Variants in SPPL3 observed in about 807,000 individuals in gnomAD.
The protein encoded by SPPL3 is signal peptide peptidase like 3.
A neutral mutation model predicts 42.4 loss-of-function variants in SPPL3; 5 were observed. That is an observed-to-expected ratio of 0.12 (90% CI 0.06 to 0.25). The LOEUF is 0.25. SPPL3 is among the 10% of genes least tolerant of loss of function. The pLI is 1.00. For synonymous variants in SPPL3, 195 were observed against 181.8 expected (o/e 1.07, Z -0.58); for missense variants, 235 against 489.0 (o/e 0.48, Z 4.90).
chr12:120,893,034 C>T (rs896838758), intron 1 of SPPL3, among the ~76,000 whole-genome samples: 10 of 149,832 alleles, frequency 6.7e-5, no homozygotes, highest in African/African-American at 2.5e-4. Context: ...AATATACAAA[C>T]CAAGAGAGAC....
intron 6 of SPPL3, among the ~76,000 whole-genome samples, chr12:120,776,189 T>C (rs1869313268): frequency 1.3e-5 from 2 of 152,238 alleles, no homozygotes; most frequent in Non-Finnish European, 2.9e-5. Flanking sequence ...TAAGTAATAC[T>C]GGGAAACTGC....
chr12:120,787,223 A>T (rs888666429), intron 3 of SPPL3, among the ~76,000 whole-genome samples: 3 of 152,234 alleles, frequency 2.0e-5, no homozygotes, highest in Non-Finnish European at 2.9e-5. Flanking sequence ...CTAAGCAAGA[A>T]GATTAAGATG....
chr12:120,801,208 G>C (rs1253148077), intron 2 of SPPL3, among the ~76,000 whole-genome samples: 1 of 152,194 alleles, frequency 6.6e-6, no homozygotes, highest in Non-Finnish European at 1.5e-5. Context: ...AGGTCAGAAA[G>C]AAACATATTC....
chr12:120,901,804 T>G, intron 1 of SPPL3: 1 of 756,250 alleles, frequency 1.3e-6, no homozygotes, highest in Non-Finnish European at 1.6e-6. Flanking sequence ...TTGTAAATTG[T>G]CAAACTTCAC....
rs552510611 is a variant in SPPL3, at chr12:120,904,264, G to A, written c.-397C>T. ...GCCGCGCTCGGGCGGCGGCGGCGGCGGCCGGGGGACATGGCCGGCGGGCGG... is the reference window on the plus strand; with the variant it reads ...GCCGCGCTCGGGCGGCGGCGGCGGCAGCCGGGGGACATGGCCGGCGGGCGG... On this transcript the variant is annotated 5_prime_UTR_variant, in exon 1 of 11. Coordinates refer to ENST00000353487, the MANE Select transcript of SPPL3 (RefSeq NM_139015.5). The A allele has an allele frequency of 8.7e-5, 15 of 171,996 alleles. No individual in the cohort carries two copies. Among genetic ancestry groups the A allele is most frequent in the African/African-American group, 2.9e-4 (12 of 41,174 alleles). 10.7% of individuals were successfully genotyped at this position (171,996 alleles called of 1,614,324 possible).
intron 1 of SPPL3, among the ~76,000 whole-genome samples, chr12:120,876,616 CAAAAAAAAA>C (rs71076676): frequency 2.0e-5 from 1 of 51,238 alleles, no homozygotes; most frequent in South Asian, 9.2e-4. Context: ...GACTCTGTCT[CAAAAAAAAA>C]AAAAAAAAAA....
At chr12:120,772,820 C>T (rs1463713876) in intron 6 of SPPL3, among the ~76,000 whole-genome samples, 1 of 152,116 alleles carries the variant, frequency 6.6e-6, no homozygotes, top group Non-Finnish European at 1.5e-5. Flanking sequence ...CTAGGAAGAG[C>T]AAAATATATA....
intron 1 of SPPL3, among the ~76,000 whole-genome samples, chr12:120,831,971 T>A (rs1871441170): frequency 6.6e-6 from 1 of 152,204 alleles, no homozygotes; most frequent in African/African-American, 2.4e-5. Flanking sequence ...ATCTAATTCC[T>A]AAGAACTACT....
intron 1 of SPPL3, among the ~76,000 whole-genome samples, chr12:120,861,823 CA>C (rs1291390702): frequency 1.3e-5 from 2 of 151,970 alleles, no homozygotes; most frequent in Non-Finnish European, 2.9e-5. Context: ...TCTGAGATAC[CA>C]AAAGGAGAGA....
intron 1 of SPPL3, among the ~76,000 whole-genome samples, chr12:120,899,816 C>T (rs1214472517): frequency 7.0e-6 from 1 of 143,834 alleles, no homozygotes; most frequent in East Asian, 2.0e-4. Flanking sequence ...TCGCTTGAAC[C>T]CAGGAGGCGG....
At chr12:120,827,905 A>G (rs1157422304) in intron 1 of SPPL3, among the ~76,000 whole-genome samples, 1 of 151,932 alleles carries the variant, frequency 6.6e-6, no homozygotes, top group Non-Finnish European at 1.5e-5. Flanking sequence ...CTCCTGCCTC[A>G]GCCTCCCGAG....
At chr12:120,831,259 G>A (rs1481396816) in intron 1 of SPPL3, among the ~76,000 whole-genome samples, 1 of 152,028 alleles carries the variant, frequency 6.6e-6, no homozygotes, top group Non-Finnish European at 1.5e-5. Context: ...AGATGGTGGT[G>A]CTTCACAGCC....
intron 1 of SPPL3, among the ~76,000 whole-genome samples, chr12:120,832,661 C>T (rs1274791525): frequency 4.0e-5 from 6 of 150,542 alleles, no homozygotes; most frequent in East Asian, 3.9e-4. Flanking sequence ...AACGAAACTC[C>T]GTCTCAAAAA....
At chr12:120,819,493 TA>T (rs1475459315) in intron 1 of SPPL3, among the ~76,000 whole-genome samples, 4 of 152,238 alleles carry the variant, frequency 2.6e-5, no homozygotes, top group Non-Finnish European at 5.9e-5. Context: ...TTATCATTGA[TA>T]AAAACACTTT....
intron 1 of SPPL3, among the ~76,000 whole-genome samples, chr12:120,827,848 T>C (rs1363904418): frequency 6.6e-6 from 1 of 152,046 alleles, no homozygotes; most frequent in Non-Finnish European, 1.5e-5. Context: ...AGTGCAGTGG[T>C]GCCATCTTGG....
intron 2 of SPPL3, among the ~76,000 whole-genome samples, chr12:120,801,541 C>A (rs990615922): frequency 9.9e-5 from 15 of 152,012 alleles, no homozygotes; most frequent in Non-Finnish European, 1.9e-4. Context: ...ATTCAGGGGG[C>A]ACAGAGGAAG....
intron 1 of SPPL3, among the ~76,000 whole-genome samples, chr12:120,841,751 TTC>T (rs1015736187): frequency 1.3e-5 from 2 of 152,246 alleles, no homozygotes; most frequent in Non-Finnish European, 2.9e-5. Flanking sequence ...TCTATTCAGT[TTC>T]TGAGTTTGGA....
intron 1 of SPPL3, among the ~76,000 whole-genome samples, chr12:120,814,697 A>G (rs1237588043): frequency 1.3e-5 from 2 of 152,052 alleles, no homozygotes; most frequent in East Asian, 1.9e-4. Context: ...TCATCACCCA[A>G]CCCCCACCCT....
chr12:120,863,856 T>G (rs1272816349), intron 1 of SPPL3, among the ~76,000 whole-genome samples: 5 of 151,688 alleles, frequency 3.3e-5, no homozygotes, highest in Admixed American at 3.3e-4. Flanking sequence ...TTTCTTTTTT[T>G]CTTGCAGAGA....
Sources: allele counts gnomAD v4.1 joint callset (sites outside exome capture counted in the v4.1 genomes callset), GRCh38; gene constraint gnomAD v4.1.1; transcripts MANE v1.5; gene names NCBI Gene and HGNC (gene_info 2026-07-23, HGNC 2026-07-21).